KIF13A: variants seen among roughly 807,000 people sequenced by gnomAD.
The protein encoded by KIF13A is kinesin family member 13A.
In KIF13A, 79 loss-of-function variants were observed where a neutral mutation model predicts 212.2. That is an observed-to-expected ratio of 0.37 (90% confidence interval 0.31 to 0.45). KIF13A has a LOEUF of 0.45. Ranked by LOEUF, KIF13A falls within the 20% of genes least tolerant of loss-of-function variation. The pLI, the probability that KIF13A is intolerant of heterozygous loss-of-function variation, is 1.00. For missense variants in KIF13A, 1,901 were observed against 2,209.0 expected (o/e 0.86, Z 2.79); for synonymous variants, 789 against 808.6 (o/e 0.98, Z 0.41).
At chr6:17,893,677 A>G (rs1772271856) in intron 3 of KIF13A, among the ~76,000 whole-genome samples, 1 of 152,134 alleles carries the variant, frequency 6.6e-6, no homozygotes, top group African/African-American at 2.4e-5. Context: ...GGCAGAAAGT[A>G]TTCAGTCTTT....
chr6:17,906,217 G>T (rs1773484982), intron 2 of KIF13A, among the ~76,000 whole-genome samples: 1 of 152,146 alleles, frequency 6.6e-6, no homozygotes, highest in African/African-American at 2.4e-5. Flanking sequence ...ATGCCACCAA[G>T]TTTGTTTTGG....
rs2150587007 is a variant in KIF13A at position 17,961,093 on chromosome 6, G to A, written c.146+25961C>T. ...TACAGGGGCTTAATGTTAAGCCAAG[G>A]GTCAGAGAAAGATTCTTAAAGGAAG... is the stretch of plus-strand genomic sequence containing the variant. On this transcript the variant is annotated intron_variant, in intron 2 of 38. Coordinates refer to ENST00000259711, the MANE Select transcript of KIF13A (RefSeq NM_022113.6). The surrounding 1 kb of genome is among the most constrained non-coding windows in gnomAD (Gnocchi z 4.1). Among the ~76,000 whole-genome samples the A allele has an allele frequency of 6.6e-6, 1 of 152,268 alleles. No individual in the cohort carries two copies. Among genetic ancestry groups the A allele is most frequent in the East Asian group, 1.9e-4 (1 of 5,184 alleles).
At chr6:17,868,839 C>G (rs184151530) in intron 4 of KIF13A, among the ~76,000 whole-genome samples, 1 of 150,886 alleles carries the variant, frequency 6.6e-6, no homozygotes, top group East Asian at 2.0e-4. Flanking sequence ...CTAAAAAATA[C>G]AAAAATTAGC....
chr6:17,908,029 T>C (rs1274953428), intron 2 of KIF13A, among the ~76,000 whole-genome samples: 1 of 152,064 alleles, frequency 6.6e-6, no homozygotes, highest in Non-Finnish European at 1.5e-5. Context: ...TCACCGTGTG[T>C]AAGTTAAGAC....
intron 2 of KIF13A, among the ~76,000 whole-genome samples, chr6:17,985,632 C>CCGGGGTG (rs112580662): frequency 2.6e-5 from 1 of 38,194 alleles, no homozygotes; most frequent in African/African-American, 1.2e-4. Context: ...ATGCAGTTTG[C>CCGGGGTG]GGGGGGGTGG....
At chr6:17,905,435 G>A (rs1446367424) in intron 2 of KIF13A, among the ~76,000 whole-genome samples, 2 of 152,214 alleles carry the variant, frequency 1.3e-5, no homozygotes, top group Non-Finnish European at 2.9e-5. Flanking sequence ...TGATAAGTGT[G>A]ACAACAGAGA....
At chr6:17,848,329 C>T (rs551775632) in intron 9 of KIF13A, among the ~76,000 whole-genome samples, 35 of 152,192 alleles carry the variant, frequency 2.3e-4, no homozygotes, top group Non-Finnish European at 4.0e-4. Context: ...CCCTACAGTG[C>T]TACAGAAAAC....
chr6:17,817,329 G>T, intron 16 of KIF13A, 96 bp from the exon 17 acceptor site: 1 of 1,026,158 alleles, frequency 9.7e-7, no homozygotes, highest in Non-Finnish European at 1.5e-6. Context: ...CCTCTAGCAA[G>T]GAATCTAGCC....
At position 17,898,001 on chromosome 6, in the gene KIF13A, CTAACTT is replaced by C. The variant is rs1487382567; in HGVS notation, c.159+161_159+166del. 3.3e-5 allele frequency among the ~76,000 whole-genome samples: 5 copies of C among 152,178 alleles called. No homozygotes were observed. Among genetic ancestry groups the C allele is most frequent in the East Asian group, 3.8e-4 (2 of 5,204 alleles). Reference sequence around the variant, plus strand: ...TGCTCTGTCAATGTAGAGTGACACTCTAACTTTATGTTAACACTGATATTAATTGTT... The same window carrying C: ...TGCTCTGTCAATGTAGAGTGACACTCTATGTTAACACTGATATTAATTGTT... On this transcript the variant is annotated intron_variant, in intron 3 of 38. Coordinates refer to ENST00000259711, the MANE Select transcript of KIF13A (RefSeq NM_022113.6). The surrounding 1 kb of genome is among the most constrained non-coding windows in gnomAD (Gnocchi z 5.2).
rs1759504480 is a variant in KIF13A, at chr6:17,771,640, C to T, written c.4476+268G>A. On this transcript the variant is annotated intron_variant, in intron 37 of 38. Coordinates refer to ENST00000259711, the MANE Select transcript of KIF13A (RefSeq NM_022113.6). This position sits in a 1 kb window ranked among gnomAD's most constrained non-coding sequence, Gnocchi z 5.4. The stretch of plus-strand genomic sequence containing the variant: ...AAAAAGGCCTTTAATCTTTTCAAAA[C>T]ACCTAGAAAACATCTTTCTCACTTG... 2.6e-6 allele frequency: 1 copy of T among 382,266 alleles called. No individual in the cohort carries two copies. Among genetic ancestry groups the T allele is most frequent in the African/African-American group, 2.1e-5 (1 of 48,506 alleles). The allele number at this position is 382,266 out of a possible 1,614,324, so 23.7% of individuals were successfully genotyped here. A position where few individuals can be genotyped will look rare whatever the true frequency, so the allele number is the denominator to read the frequency against.
At position 17,850,716 on chromosome 6, in the gene KIF13A, G is replaced by T. The variant is rs1767558575; in HGVS notation, c.583-259C>A. On this transcript the variant is annotated intron_variant, in intron 7 of 38. Transcript: ENST00000259711. This position sits in a 1 kb window ranked among gnomAD's most constrained non-coding sequence, Gnocchi z 6.2. ...GTTGAGTCCCTATTTTCTCCTTTTT[G>T]GGTTCCTGGGATAGCTAATATTTAT... Among the ~76,000 whole-genome samples, 1 of 151,868 alleles carries T rather than the reference G, an allele frequency of 6.6e-6. No individual in the cohort carries two copies. Among genetic ancestry groups the T allele is most frequent in the South Asian group, 2.1e-4 (1 of 4,824 alleles).
In KIF13A at chr6:17,799,209, G is replaced by T; in HGVS notation, c.2790+57C>A. On this transcript the variant is annotated intron_variant, in intron 22 of 38. Coordinates refer to ENST00000259711, the MANE Select transcript of KIF13A (RefSeq NM_022113.6). The surrounding 1 kb of genome is among the most constrained non-coding windows in gnomAD (Gnocchi z 4.4). ...ATGCTTGTGGGGACAACTGATTGTT[G>T]AACTGCACCAATTTCTGCTGCTTCC... is the stretch of plus-strand genomic sequence containing the variant. The T allele has an allele frequency of 1.6e-6, 2 of 1,238,992 alleles. No homozygotes were observed. The highest frequency in any genetic ancestry group is 2.2e-6 in the Non-Finnish European group (2 of 926,244). The allele number at this position is 1,238,992 out of a possible 1,614,324, so 76.7% of individuals were successfully genotyped here.
intron 2 of KIF13A, among the ~76,000 whole-genome samples, chr6:17,973,431 G>GT (rs959333641): frequency 6.6e-6 from 1 of 152,104 alleles, no homozygotes; most frequent in Non-Finnish European, 1.5e-5. Context: ...TTCCATTCTC[G>GT]TATCAGCTAC....
Position 17,826,944 on chromosome 6 carries a change from TC to T in KIF13A, c.1533-821del, listed in dbSNP as rs1765014179. On this transcript the variant is annotated intron_variant, in intron 14 of 38. Coordinates refer to ENST00000259711, the MANE Select transcript of KIF13A (RefSeq NM_022113.6). This position sits in a 1 kb window ranked among gnomAD's most constrained non-coding sequence, Gnocchi z 4.7. ...TGGGCATGGTGGTGGGCGCCTGTAA[TC>T]CCAGCTACTTGGGAGGCGAGGCAGG... is the stretch of plus-strand genomic sequence containing the variant. Among the ~76,000 whole-genome samples the T allele has an allele frequency of 2.0e-5, 3 of 151,932 alleles. No individual in the cohort carries two copies. The highest frequency in any genetic ancestry group is 2.0e-4 in the Admixed American group (3 of 15,250).
At position 17,794,533 on chromosome 6, in the gene KIF13A, G is replaced by C. The variant is rs377152132; in HGVS notation, c.3075+39C>G. The C allele has an allele frequency of 1.8e-5, 29 of 1,580,900 alleles. No individual in the cohort carries two copies. Among genetic ancestry groups the C allele is most frequent in the Non-Finnish European group, 2.4e-5 (28 of 1,167,846 alleles). ...AAACAATGTGTAAGAGTGGAACAGAGAGAAAACATTAAAAAAAAACCCAAA... is the reference window on the plus strand; with the variant it reads ...AAACAATGTGTAAGAGTGGAACAGACAGAAAACATTAAAAAAAAACCCAAA... On this transcript the variant is annotated intron_variant, in intron 24 of 38. Transcript: ENST00000259711. This position sits in a 1 kb window ranked among gnomAD's most constrained non-coding sequence, Gnocchi z 4.1.
chr6:17,840,168 ACT>A (rs913595170), intron 9 of KIF13A, among the ~76,000 whole-genome samples: 6 of 152,088 alleles, frequency 3.9e-5, no homozygotes, highest in African/African-American at 1.2e-4. Context: ...TGGCGGTACA[ACT>A]CTGAATATAT....
At position 17,831,134 on chromosome 6, in the gene KIF13A, A is replaced by G; in HGVS notation, c.1368T>C (p.Pro456=). The part of the protein sequence containing the change: ...KCYLVNLNAD[P]ALNELLVYYL... ...AATAAACCAGAAGTTCGTTAAGAGCAGGGTCTGCATTCAGATTGACTAAGT... is the reference window on the plus strand; with the variant it reads ...AATAAACCAGAAGTTCGTTAAGAGCGGGGTCTGCATTCAGATTGACTAAGT... Residue 456 remains proline, a synonymous_variant, in exon 13 of 39, where the codon CCT becomes CCC. Transcript: ENST00000259711. 2 of 1,613,670 alleles carry G rather than the reference A, an allele frequency of 1.2e-6. No homozygotes were observed. The highest frequency in any genetic ancestry group is 1.7e-6 in the Non-Finnish European group (2 of 1,179,768).
chr6:17,837,553 T>C lies in KIF13A; in HGVS notation c.861A>G (p.Ser287=). Residue 287 remains serine, a synonymous_variant, in exon 10 of 39, where the codon TCA becomes TCG. Transcript: ENST00000259711. The surrounding 1 kb of genome is among the most constrained non-coding windows in gnomAD (Gnocchi z 5.4). ...TGCCAGCTGCCTGGTCAGCCAGTGA[T>C]GATATAACCAACCCCAAGGTTGTAA... is the stretch of plus-strand genomic sequence containing the variant. The part of the protein sequence containing the change: ...KSLTTLGLVI[S]SLADQAAGKG... The C allele has an allele frequency of 6.2e-7, 1 of 1,608,728 alleles. No individual in the cohort carries two copies.
intron 22 of KIF13A, among the ~76,000 whole-genome samples, chr6:17,798,593 C>A (rs1386253519): frequency 1.3e-5 from 2 of 152,098 alleles, no homozygotes; most frequent in African/African-American, 2.4e-5. Context: ...AAGAAGGGAT[C>A]TTGTGTATCT....
Sources: allele counts gnomAD v4.1 joint callset (sites outside exome capture counted in the v4.1 genomes callset), GRCh38; gene constraint gnomAD v4.1.1; non-coding constraint Gnocchi (gnomAD v3.1); transcripts MANE v1.5; gene names NCBI Gene and HGNC (gene_info 2026-07-23, HGNC 2026-07-21).